PSG3: variants seen among roughly 807,000 people sequenced by gnomAD.
PSG3 encodes pregnancy-specific beta-1-glycoprotein 3.
Under a neutral mutation model 47.5 loss-of-function variants are expected in PSG3, and 61 were observed. The ratio of observed to expected loss-of-function variants is 1.28; its 90% CI spans 1.05 to 1.59. PSG3 has a LOEUF of 1.59. Among genes scored for constraint, PSG3 ranks in the 40% most tolerant of loss-of-function variants. PSG3 has a pLI of 0.00. For missense variants in PSG3, 756 were observed against 524.0 expected (o/e 1.44, Z -4.32); for synonymous variants, 263 against 198.4 (o/e 1.33, Z -2.74).
intron 2 of PSG3, among the ~76,000 whole-genome samples, chr19:42,737,860 T>A (rs1969592543): frequency 6.6e-6 from 1 of 152,256 alleles, no homozygotes; most frequent in Non-Finnish European, 1.5e-5. Flanking sequence ...CTGTGGCTTT[T>A]CATGCTATCT....
rs1192194911 is a variant in PSG3, at chr19:42,729,960, T to C, written c.806A>G (p.Tyr269Cys). Reference sequence around the variant, plus strand: ...ACCATTTAGCCACCAAATGTAGGTGTAGTTCTCACTCTTAGGTTCACAGGT... The same window carrying C: ...ACCATTTAGCCACCAAATGTAGGTGCAGTTCTCACTCTTAGGTTCACAGGT... ...AFTCEPKSENYTYIWWLNGQS... is the reference protein window; with the variant it reads ...AFTCEPKSENCTYIWWLNGQS... Residue 269 changes from tyrosine (Y) to cysteine (C), a missense_variant, in exon 4 of 7, where the codon TAC becomes TGC. Transcript: ENST00000327495. 1 of 1,612,072 alleles carries C rather than the reference T, an allele frequency of 6.2e-7. No individual in the cohort carries two copies. Among genetic ancestry groups the C allele is most frequent in the African/African-American group, 1.3e-5 (1 of 74,848 alleles).
intron 2 of PSG3, among the ~76,000 whole-genome samples, chr19:42,736,691 A>G (rs1375447011): frequency 6.7e-6 from 1 of 149,324 alleles, no homozygotes; most frequent in Non-Finnish European, 1.5e-5. Flanking sequence ...TCTGGCAATT[A>G]TAAGAGTGGA....
chr19:42,740,180 C>T, intron 1 of PSG3, 141 bp downstream of exon 1: 1 of 1,534,720 alleles, frequency 6.5e-7, no homozygotes, highest in Non-Finnish European at 8.8e-7. Flanking sequence ...TCTTGAACTC[C>T]TGATCTCGTG....
rs369511232 is a variant in PSG3, at chr19:42,728,454, C to G, written c.1243+669G>C. ...AGCCGGTGACTTCAGAGCCAGGACA[C>G]AGCTCAGGAGTCTGCCCTGAGGCTC... On this transcript the variant is annotated intron_variant, in intron 5 of 6. Transcript: ENST00000327495. 1.2e-3 allele frequency among the ~76,000 whole-genome samples: 179 copies of G among 152,326 alleles called. 1 individual carries two copies. Among genetic ancestry groups the G allele is most frequent in the Middle Eastern group, 3.4e-3 (1 of 292 alleles).
Position 42,732,880 on chromosome 19 carries a change from AT to A in PSG3, c.612del (p.Phe205LeufsTer19). On this transcript the variant is annotated frameshift_variant, in exon 3 of 7. Coordinates refer to ENST00000327495, the MANE Select transcript of PSG3 (RefSeq NM_021016.4). LOFTEE classifies it high-confidence loss of function. ...CCTGCAGTGTACTTTGTGACACCAA[AT>A]AGAAAGAGGGTCCTTTTGTTTTTGG... Reference protein sequence around the residue: ...QLSKNKRTLFLFGVTKYTAGP... With the variant: ...QLSKNKRTLFXFGVTKYTAGP... The A allele has an allele frequency of 6.2e-7, 1 of 1,614,148 alleles. No homozygotes were observed. Among genetic ancestry groups the A allele is most frequent in the Non-Finnish European group, 8.5e-7 (1 of 1,180,006 alleles).
chr19:42,737,516 C>G, intron 2 of PSG3, among the ~76,000 whole-genome samples: 1 of 151,804 alleles, frequency 6.6e-6, no homozygotes, highest in African/African-American at 2.4e-5. Flanking sequence ...TGGTTAAGAT[C>G]TGAGGGGGAG....
Position 42,729,803 on chromosome 19 carries a change from A to G in PSG3, c.963T>C (p.Ser321=). Residue 321 remains serine (S), a synonymous_variant, in exon 4 of 7, where the codon AGT becomes AGC. Transcript: ENST00000327495. ...EIQDRYGGIR[S]YPVTLNVLYG... is the part of the protein sequence containing the mutation. ...AGAGGACATTCAGGGTGACTGGGTA[A>G]CTGCGGATGCCACCATATCGGTCCT... 1.2e-6 allele frequency: 2 copies of G among 1,613,786 alleles called. No individual in the cohort carries two copies. The highest frequency in any genetic ancestry group is 8.5e-7 in the Non-Finnish European group (1 of 1,179,864).
Position 42,738,991 on chromosome 19 carries a change from C to G in PSG3, c.163G>C (p.Val55Leu). Reference sequence around the variant, plus strand: ...GCAAGATTCTGGGGCAAATTGTGGACAAGTAGAAGAACGTCCTTCCCCTTG... The same window carrying G: ...GCAAGATTCTGGGGCAAATTGTGGAGAAGTAGAAGAACGTCCTTCCCCTTG... ...VSKGKDVLLLVHNLPQNLAGY... is the reference protein window; with the variant it reads ...VSKGKDVLLLLHNLPQNLAGY... The change falls in exon 2 of 7, where the codon GTC (valine) becomes CTC (leucine). Residue 55 changes from valine to leucine, a missense_variant. Physicochemically the swap from Val to Leu is conservative, Grantham distance 32. Coordinates refer to ENST00000327495, the MANE Select transcript of PSG3 (RefSeq NM_021016.4). 5 of 1,613,968 alleles carry G rather than the reference C, an allele frequency of 3.1e-6. No homozygotes were observed. In the South Asian group the frequency reaches 4.4e-5, roughly 14 times the overall value.
At chr19:42,724,761 A>C (rs1026100932) in intron 5 of PSG3, among the ~76,000 whole-genome samples, 3 of 152,002 alleles carry the variant, frequency 2.0e-5, no homozygotes, top group Non-Finnish European at 2.9e-5. Context: ...GATGCATCTC[A>C]GTCAGTAAAA....
chr19:42,732,755 T>A (rs777381310), intron 3 of PSG3, 29 bp downstream of exon 3: 1 of 1,614,150 alleles, frequency 6.2e-7, no homozygotes, highest in South Asian at 1.1e-5. Flanking sequence ...GATGGCAGAC[T>A]GGCTCACAGA....
At chr19:42,729,554 G>A (rs1400954891) in intron 4 of PSG3, among the ~76,000 whole-genome samples, 177 bp from the exon 5 acceptor site, 2 of 152,212 alleles carry the variant, frequency 1.3e-5, no homozygotes, top group East Asian at 1.9e-4. Context: ...CCCATCACAA[G>A]CTGTGGGCCC....
At position 42,733,183 on chromosome 19, in the gene PSG3, G is replaced by A. The variant is rs796943765; in HGVS notation, c.431-121C>T. 274 of 1,507,200 alleles carry A rather than the reference G, an allele frequency of 1.8e-4. No individual in the cohort carries two copies. The African/African-American group carries it at 2.6e-3, about 15-fold the overall frequency. The allele number at this position is 1,507,200 out of a possible 1,614,324, so 93.4% of individuals were successfully genotyped here. A position where few individuals can be genotyped will look rare whatever the true frequency, so the allele number is the denominator to read the frequency against. ...CCACCCAAGTCCTTAAAAGCCCATGGCAGGTGTGTGTGTTACAAGACAGAT... is the reference window on the plus strand; with the variant it reads ...CCACCCAAGTCCTTAAAAGCCCATGACAGGTGTGTGTGTTACAAGACAGAT... On this transcript the variant is annotated intron_variant, in intron 2 of 6. Coordinates refer to ENST00000327495, the MANE Select transcript of PSG3 (RefSeq NM_021016.4).
chr19:42,726,270 C>T (rs1473523447), intron 5 of PSG3, among the ~76,000 whole-genome samples: 3 of 151,988 alleles, frequency 2.0e-5, no homozygotes, highest in African/African-American at 7.3e-5. Flanking sequence ...TTTTATTCAA[C>T]ATAGTATTGA....
intron 2 of PSG3, among the ~76,000 whole-genome samples, chr19:42,735,814 G>T (rs532047985): frequency 2.8e-4 from 42 of 152,374 alleles, no homozygotes; most frequent in East Asian, 5.8e-4. Flanking sequence ...CTTTATAGCA[G>T]GTTGAGGATG....
chr19:42,737,943 A>G (rs1208171616), intron 2 of PSG3, among the ~76,000 whole-genome samples: 2 of 152,246 alleles, frequency 1.3e-5, no homozygotes, highest in Non-Finnish European at 2.9e-5. Flanking sequence ...CACAAACAGC[A>G]TTTATTATTA....
intron 3 of PSG3, among the ~76,000 whole-genome samples, chr19:42,730,503 A>G (rs1000979239): frequency 1.3e-5 from 2 of 152,174 alleles, no homozygotes; most frequent in Non-Finnish European, 2.9e-5. Flanking sequence ...GATGAGTAAT[A>G]ATGGGACTTC....
chr19:42,740,223 T>G, intron 1 of PSG3, 98 bp downstream of exon 1: 1 of 1,608,248 alleles, frequency 6.2e-7, no homozygotes, highest in Non-Finnish European at 8.5e-7. Flanking sequence ...AAGTGCTGGC[T>G]TCTTTTATTT....
Position 42,740,421 on chromosome 19 carries a change from G to C in PSG3, c.-37C>G, listed in dbSNP as rs1192248181. The stretch of plus-strand genomic sequence containing the variant: ...CCTGCGTGTTCTCCTCTGTGGAGCT[G>C]AGCCTAGGATCCAGAAACTTCCTGA... On this transcript the variant is annotated 5_prime_UTR_variant, in exon 1 of 7. Coordinates refer to ENST00000327495, the MANE Select transcript of PSG3 (RefSeq NM_021016.4). 1.9e-6 allele frequency: 3 copies of C among 1,613,748 alleles called. No homozygotes were observed. The highest frequency in any genetic ancestry group is 2.5e-6 in the Non-Finnish European group (3 of 1,179,882).
chr19:42,734,577 C>T (rs1343044193), intron 2 of PSG3, among the ~76,000 whole-genome samples: 1 of 152,186 alleles, frequency 6.6e-6, no homozygotes, highest in Non-Finnish European at 1.5e-5. Flanking sequence ...ATGATCCAAA[C>T]ATCTAAGATC....
Sources: gnomAD v4.1 joint callset for allele counts (sites outside exome capture counted in the v4.1 genomes callset) on GRCh38, gnomAD v4.1.1 for gene constraint, MANE v1.5 for transcripts, NCBI Gene and HGNC (gene_info 2026-07-23, HGNC 2026-07-21) for gene names.